The following RAMP1 variants were observed in gnomAD, a reference collection of about 807,000 sequenced individuals.
The protein encoded by RAMP1 is receptor activity modifying protein 1.
Under a neutral mutation model 8.2 loss-of-function variants are expected in RAMP1, and 7 were observed. That is an observed-to-expected ratio of 0.85 (90% CI 0.49 to 1.60). The LOEUF is 1.60. Ranked by LOEUF, RAMP1 falls within the 40% of genes most tolerant of loss-of-function variation. The pLI, the probability that RAMP1 is intolerant of heterozygous loss-of-function variation, is 0.00. For synonymous variants in RAMP1, 92 were observed against 84.7 expected (o/e 1.09, Z -0.47); for missense variants, 192 against 202.4 (o/e 0.95, Z 0.31).
At chr2:237,892,745 C>CTT (rs1330288601) in intron 2 of RAMP1, among the ~76,000 whole-genome samples, 2 of 150,938 alleles carry the variant, frequency 1.3e-5, no homozygotes, top group Non-Finnish European at 2.9e-5. Context: ...TTCTCTCTCT[C>CTT]TCTCTCTCTC....
chr2:237,897,778 G>T (rs200321307), intron 2 of RAMP1, among the ~76,000 whole-genome samples: 22 of 13,546 alleles, frequency 1.6e-3, no homozygotes, highest in East Asian at 0.013. Context: ...TTGGTTTTTT[G>T]GGGGGGGGTT....
intron 2 of RAMP1, among the ~76,000 whole-genome samples, chr2:237,902,818 G>T (rs1490070154): frequency 6.6e-6 from 1 of 152,202 alleles, no homozygotes; most frequent in Non-Finnish European, 1.5e-5. Context: ...CTGCTAAAAT[G>T]AGCTGTTAAA....
chr2:237,896,106 A>G (rs1309100530), intron 2 of RAMP1, among the ~76,000 whole-genome samples: 1 of 152,164 alleles, frequency 6.6e-6, no homozygotes, highest in Non-Finnish European at 1.5e-5. Context: ...ACGCAATGCA[A>G]CCCCTGCTCA....
At chr2:237,903,045 G>C (rs2062620254) in intron 2 of RAMP1, among the ~76,000 whole-genome samples, 1 of 152,154 alleles carries the variant, frequency 6.6e-6, no homozygotes, top group Non-Finnish European at 1.5e-5. Context: ...TTAGCAGAGA[G>C]ACTGGGTCTC....
Position 237,862,217 on chromosome 2 carries a change from CT to C in RAMP1, c.52+2491del, listed in dbSNP as rs1576529355. ...AATGACAGGGACATCACAGGAAATG[CT>C]ATGTGACTGCTTCAGATTGCCATGC... On this transcript the variant is annotated intron_variant, in intron 1 of 2. Coordinates refer to ENST00000254661, the MANE Select transcript of RAMP1 (RefSeq NM_005855.4). The surrounding 1 kb of genome is among the most constrained non-coding windows in gnomAD (Gnocchi z 4.0). 6.6e-6 allele frequency among the ~76,000 whole-genome samples: 1 copy of C among 152,280 alleles called. No homozygotes were observed. Among genetic ancestry groups the C allele is most frequent in the East Asian group, 1.9e-4 (1 of 5,184 alleles).
chr2:237,877,492 G>A lies in RAMP1; in HGVS notation c.191+130G>A, dbSNP rs183713343. On this transcript the variant is annotated intron_variant, in intron 2 of 2. Transcript: ENST00000254661. This position sits in a 1 kb window ranked among gnomAD's most constrained non-coding sequence, Gnocchi z 4.4. ...CCCGGAAGGGTTCTTCCCCCAGTGG[G>A]GGGGGCCGGGATGAAGACAGAGGAG... 528 of 1,267,584 alleles carry A rather than the reference G, an allele frequency of 4.2e-4. 3 individuals carry two copies. In the South Asian group the frequency reaches 7.1e-3, roughly 17 times the overall value. 78.5% of individuals were successfully genotyped at this position (1,267,584 alleles called of 1,614,324 possible). A position where few individuals can be genotyped will look rare whatever the true frequency, so the allele number is the denominator to read the frequency against.
In RAMP1 at chr2:237,865,758, A is replaced by G. The variant is rs2151002760; in HGVS notation, c.52+6031A>G. On this transcript the variant is annotated intron_variant, in intron 1 of 2. Transcript: ENST00000254661. The surrounding 1 kb of genome is among the most constrained non-coding windows in gnomAD (Gnocchi z 4.2). ...GGTGAGAGTGGGTAGAAACAGGCCC[A>G]GGCTCCTTGTGAGAGGCCAGAGAGG... Among the ~76,000 whole-genome samples, 1 of 152,262 alleles carries G rather than the reference A, an allele frequency of 6.6e-6. No individual in the cohort carries two copies. The highest frequency in any genetic ancestry group is 2.4e-5 in the African/African-American group (1 of 41,558).
At chr2:237,876,993 G>T (rs1451775566) in intron 1 of RAMP1, among the ~76,000 whole-genome samples, 2 of 152,196 alleles carry the variant, frequency 1.3e-5, no homozygotes, top group African/African-American at 4.8e-5. Flanking sequence ...CCTGGCCCAA[G>T]CTGGCACGGG....
intron 2 of RAMP1, among the ~76,000 whole-genome samples, chr2:237,884,719 A>G (rs188594205): frequency 3.3e-5 from 5 of 152,264 alleles, no homozygotes; most frequent in Admixed American, 2.6e-4. Context: ...TCACTTCCAT[A>G]CCAGCTGGGA....
At chr2:237,885,320 G>C (rs1311845709) in intron 2 of RAMP1, among the ~76,000 whole-genome samples, 1 of 152,188 alleles carries the variant, frequency 6.6e-6, no homozygotes, top group Admixed American at 6.5e-5. Flanking sequence ...TGTTCACAGA[G>C]CCCTGCCCGC....
intron 2 of RAMP1, among the ~76,000 whole-genome samples, chr2:237,884,266 TATC>T (rs1414251858): frequency 6.6e-6 from 1 of 152,188 alleles, no homozygotes; most frequent in Non-Finnish European, 1.5e-5. Context: ...TACCAGGGGT[TATC>T]ATCTCATTAA....
At chr2:237,888,221 T>C (rs1244430863) in intron 2 of RAMP1, among the ~76,000 whole-genome samples, 4 of 152,012 alleles carry the variant, frequency 2.6e-5, no homozygotes, top group African/African-American at 9.7e-5. Context: ...GCCTAGCTAA[T>C]TTTTTGTATT....
intron 1 of RAMP1, among the ~76,000 whole-genome samples, chr2:237,869,506 C>A (rs2151004534): frequency 6.6e-6 from 1 of 152,344 alleles, no homozygotes; most frequent in South Asian, 2.1e-4. Flanking sequence ...TCTGACTACT[C>A]TAGGAACCTG....
Position 237,893,748 on chromosome 2 carries a change from G to A in RAMP1, c.191+16386G>A, listed in dbSNP as rs1170327536. 2.0e-5 allele frequency among the ~76,000 whole-genome samples: 3 copies of A among 152,066 alleles called. 1 individual carries two copies. The highest frequency in any genetic ancestry group is 4.4e-5 in the Non-Finnish European group (3 of 68,040). Reference sequence around the variant, plus strand: ...GAGGTCAGGAGTTCGAGACCAGTGTGAGCAACATGGCGAAACCCTGTCTCT... The same window carrying A: ...GAGGTCAGGAGTTCGAGACCAGTGTAAGCAACATGGCGAAACCCTGTCTCT... On this transcript the variant is annotated intron_variant, in intron 2 of 2. Coordinates refer to ENST00000254661, the MANE Select transcript of RAMP1 (RefSeq NM_005855.4).
chr2:237,868,569 C>G (rs1255302374), intron 1 of RAMP1, among the ~76,000 whole-genome samples: 1 of 137,698 alleles, frequency 7.3e-6, no homozygotes, highest in East Asian at 2.0e-4. Flanking sequence ...CTGATTCCCT[C>G]CCCCCACCAA....
chr2:237,869,801 G>A (rs2062226768), intron 1 of RAMP1: 1 of 152,230 alleles, frequency 6.6e-6, no homozygotes, highest in African/African-American at 2.4e-5. Flanking sequence ...GGATCATTAG[G>A]TGGTTCTGTG....
chr2:237,877,136 T>A lies in RAMP1; in HGVS notation c.53-88T>A. On this transcript the variant is annotated intron_variant, in intron 1 of 2. Coordinates refer to ENST00000254661, the MANE Select transcript of RAMP1 (RefSeq NM_005855.4). This position sits in a 1 kb window ranked among gnomAD's most constrained non-coding sequence, Gnocchi z 4.4. ...GCTTAGAGGCCCCGTTCTCGTGGAG[T>A]CCGGGCTGCAGGGGCGCGCGGGCTG... The A allele has an allele frequency of 6.4e-7, 1 of 1,562,088 alleles. No individual in the cohort carries two copies. The highest frequency in any genetic ancestry group is 8.7e-7 in the Non-Finnish European group (1 of 1,143,376).
chr2:237,884,542 G>A (rs927154206), intron 2 of RAMP1, among the ~76,000 whole-genome samples: 1 of 152,110 alleles, frequency 6.6e-6, no homozygotes, highest in African/African-American at 2.4e-5. Flanking sequence ...AGAAATGCTC[G>A]GTTGATTTAA....
chr2:237,878,518 G>A lies in RAMP1; in HGVS notation c.191+1156G>A, dbSNP rs149260827. Among the ~76,000 whole-genome samples the A allele has an allele frequency of 6.0e-3, 908 of 152,342 alleles. 11 individuals carry two copies. Among genetic ancestry groups the A allele is most frequent in the African/African-American group, 0.021 (866 of 41,578 alleles). Reference sequence around the variant, plus strand: ...CCCACGGCTGGGAGGCCCTGAGGCTGGGTGGCTCCCACTGCCCCTCTGAGC... The same window carrying A: ...CCCACGGCTGGGAGGCCCTGAGGCTAGGTGGCTCCCACTGCCCCTCTGAGC... On this transcript the variant is annotated intron_variant, in intron 2 of 2. Coordinates refer to ENST00000254661, the MANE Select transcript of RAMP1 (RefSeq NM_005855.4). The surrounding 1 kb of genome is among the most constrained non-coding windows in gnomAD (Gnocchi z 5.7).
Sources: allele counts gnomAD v4.1 joint callset (sites outside exome capture counted in the v4.1 genomes callset), GRCh38; gene constraint gnomAD v4.1.1; non-coding constraint Gnocchi (gnomAD v3.1); transcripts MANE v1.5; gene names NCBI Gene and HGNC (gene_info 2026-07-23, HGNC 2026-07-21).